The following AP2M1 variants were observed in gnomAD, a reference collection of about 807,000 sequenced individuals.
AP2M1 encodes the protein AP-2 complex subunit mu.
In AP2M1, 5 loss-of-function variants were observed where a neutral mutation model predicts 54.5. The ratio of observed to expected loss-of-function variants is 0.09; its 90% CI spans 0.05 to 0.19. The LOEUF (loss-of-function observed/expected upper bound fraction) is 0.19, where lower values mean the gene tolerates loss of function less well. Among genes scored for constraint, AP2M1 ranks in the 10% least tolerant of loss-of-function variants. AP2M1 has a pLI of 1.00. For synonymous variants in AP2M1, 186 were observed against 208.2 expected (o/e 0.89, Z 0.92); for missense variants, 178 against 580.2 (o/e 0.31, Z 7.12).
At position 184,180,705 on chromosome 3, in the gene AP2M1, C is replaced by T. The variant is rs201451423; in HGVS notation, c.429+55C>T. ...CAGCTTTGCTTTGTTTCTCCAGGCC[C>T]TGCCCTTTGGGGCTTATAGGGGAAA... is the stretch of plus-strand genomic sequence containing the variant. On this transcript the variant is annotated intron_variant, in intron 5 of 11. Coordinates refer to ENST00000292807, the MANE Select transcript of AP2M1 (RefSeq NM_004068.4). The surrounding 1 kb of genome is among the most constrained non-coding windows in gnomAD (Gnocchi z 4.9). 1 of 1,614,240 alleles carries T rather than the reference C, an allele frequency of 6.2e-7. No individual in the cohort carries two copies. The highest frequency in any genetic ancestry group is 8.5e-7 in the Non-Finnish European group (1 of 1,180,048).
rs1715334833 is a variant in AP2M1, at chr3:184,183,323, G to C, written c.1174-159G>C. The stretch of plus-strand genomic sequence containing the variant: ...GTCACAGGTAGGGCTTTCTTCTTTA[G>C]TCACCTCTTAGAAGGTCCCACGCCG... On this transcript the variant is annotated intron_variant, in intron 11 of 11. Transcript: ENST00000292807. This position sits in a 1 kb window ranked among gnomAD's most constrained non-coding sequence, Gnocchi z 5.7. The C allele has an allele frequency of 9.4e-7, 1 of 1,061,102 alleles. No individual in the cohort carries two copies. The highest frequency in any genetic ancestry group is 1.6e-5 in the African/African-American group (1 of 62,908). 65.7% of individuals were successfully genotyped at this position (1,061,102 alleles called of 1,614,324 possible).
At chr3:184,177,888 T>C in intron 2 of AP2M1, 1 of 594,998 alleles carries the variant, frequency 1.7e-6, no homozygotes, top group Non-Finnish European at 3.0e-6. Flanking sequence ...TGCTCTTCAT[T>C]TGGCTCCCTG....
At position 184,181,864 on chromosome 3, in the gene AP2M1, A is replaced by G. The variant is rs769769242; in HGVS notation, c.828-48A>G. 3 of 1,613,960 alleles carry G rather than the reference A, an allele frequency of 1.9e-6. No homozygotes were observed. In the South Asian group the frequency reaches 3.3e-5, roughly 18 times the overall value. ...AGCTAGTGCTGCTGGCAGACTGGGG[A>G]GAGGAAGTGGGTCAGCTCTTTGGTA... On this transcript the variant is annotated intron_variant, in intron 8 of 11. Coordinates refer to ENST00000292807, the MANE Select transcript of AP2M1 (RefSeq NM_004068.4). The surrounding 1 kb of genome is among the most constrained non-coding windows in gnomAD (Gnocchi z 5.7).
chr3:184,177,527 C>T (rs1189393436), intron 2 of AP2M1: 1 of 1,535,456 alleles, frequency 6.5e-7, no homozygotes, highest in Non-Finnish European at 8.7e-7. Flanking sequence ...CAATCCTCTC[C>T]TGCTCCCTTT....
rs1402235527 is a variant in AP2M1, at chr3:184,182,552, C to T, written c.1062-205C>T. 6.6e-6 allele frequency among the ~76,000 whole-genome samples: 1 copy of T among 152,042 alleles called. No individual in the cohort carries two copies. The highest frequency in any genetic ancestry group is 6.5e-5 in the Admixed American group (1 of 15,276). ...CAGACAAAGCAAACGATAGCATGTCCAAGTGTCTAGGCAGAAACTGCATCC... is the reference window on the plus strand; with the variant it reads ...CAGACAAAGCAAACGATAGCATGTCTAAGTGTCTAGGCAGAAACTGCATCC... On this transcript the variant is annotated intron_variant, in intron 10 of 11. Transcript: ENST00000292807. The surrounding 1 kb of genome is among the most constrained non-coding windows in gnomAD (Gnocchi z 5.5).
intron 2 of AP2M1, chr3:184,177,468 C>G (rs1209749121): frequency 7.2e-7 from 1 of 1,383,456 alleles, no homozygotes; most frequent in Non-Finnish European, 9.9e-7. Flanking sequence ...AAGCCCTTCC[C>G]ATATCAAACG....
chr3:184,183,144 TACAG>T lies in AP2M1; in HGVS notation c.1173+281_1173+284del. ...TGCCAGGTAAGACACAAAGTTTACTTACAGACAGGATAATGGGCTGACTTTGCTT... is the reference window on the plus strand; with the variant it reads ...TGCCAGGTAAGACACAAAGTTTACTTACAGGATAATGGGCTGACTTTGCTT... On this transcript the variant is annotated intron_variant, in intron 11 of 11. Transcript: ENST00000292807. The surrounding 1 kb of genome is among the most constrained non-coding windows in gnomAD (Gnocchi z 5.7). 1.8e-6 allele frequency: 1 copy of T among 560,944 alleles called. No individual in the cohort carries two copies. The highest frequency in any genetic ancestry group is 3.2e-6 in the Non-Finnish European group (1 of 313,166). 34.7% of individuals were successfully genotyped at this position (560,944 alleles called of 1,614,324 possible).
In AP2M1 at chr3:184,178,845, CTT is replaced by C; in HGVS notation, c.75-9_75-8del. On this transcript the variant is annotated splice_polypyrimidine_tract_variant and intron_variant, in intron 2 of 11. Transcript: ENST00000292807. The surrounding 1 kb of genome is among the most constrained non-coding windows in gnomAD (Gnocchi z 4.9). ...GGGTGCTGAGCAGGCCCTATGCACTCTTTTCCCTCAGGAGGAACGCAGTGGAT... is the reference window on the plus strand; with the variant it reads ...GGGTGCTGAGCAGGCCCTATGCACTCTTCCCTCAGGAGGAACGCAGTGGAT... 1 of 1,613,000 alleles carries C rather than the reference CTT, an allele frequency of 6.2e-7. No homozygotes were observed. The highest frequency in any genetic ancestry group is 8.5e-7 in the Non-Finnish European group (1 of 1,179,486).
At position 184,181,381 on chromosome 3, in the gene AP2M1, T is replaced by C; in HGVS notation, c.707+155T>C. ...GGCTGTTCGCTCTTGACATTAGTGCTACGAGAGATGAGGGGATCGTCCTCA... is the reference window on the plus strand; with the variant it reads ...GGCTGTTCGCTCTTGACATTAGTGCCACGAGAGATGAGGGGATCGTCCTCA... On this transcript the variant is annotated intron_variant, in intron 7 of 11. Transcript: ENST00000292807. This position sits in a 1 kb window ranked among gnomAD's most constrained non-coding sequence, Gnocchi z 5.7. 1 of 1,178,276 alleles carries C rather than the reference T, an allele frequency of 8.5e-7. No individual in the cohort carries two copies. Among genetic ancestry groups the C allele is most frequent in the South Asian group, 1.5e-5 (1 of 68,030 alleles). The allele number at this position is 1,178,276 out of a possible 1,614,324, so 73.0% of individuals were successfully genotyped here.
At position 184,183,371 on chromosome 3, in the gene AP2M1, A is replaced by G; in HGVS notation, c.1174-111A>G. ...CCGCCCCAGCTTCTTTCAGGACCCC[A>G]GCCATACAAACACCTGTAGTAGCGA... On this transcript the variant is annotated intron_variant, in intron 11 of 11. Transcript: ENST00000292807. This position sits in a 1 kb window ranked among gnomAD's most constrained non-coding sequence, Gnocchi z 5.7. The G allele has an allele frequency of 6.6e-7, 1 of 1,511,838 alleles. No individual in the cohort carries two copies. The allele number at this position is 1,511,838 out of a possible 1,614,324, so 93.7% of individuals were successfully genotyped here. A position where few individuals can be genotyped will look rare whatever the true frequency, so the allele number is the denominator to read the frequency against.
chr3:184,176,387 T>A (rs1413822236), intron 1 of AP2M1, among the ~76,000 whole-genome samples: 1 of 152,232 alleles, frequency 6.6e-6, no homozygotes, highest in Non-Finnish European at 1.5e-5. Flanking sequence ...GCCTAAGGGC[T>A]CCCTTCTCTT....
rs760385184 is a variant in AP2M1, at chr3:184,181,044, G to T, written c.566-41G>T. 9.9e-6 allele frequency: 16 copies of T among 1,613,972 alleles called. No homozygotes were observed. The Admixed American group carries it at 1.3e-4, about 13-fold the overall frequency. ...CCAGGGCAGGATCCTGGGCCTGCCT[G>T]CCTGACTCCGCTGCTCCCCATTTAT... On this transcript the variant is annotated intron_variant, in intron 6 of 11. Coordinates refer to ENST00000292807, the MANE Select transcript of AP2M1 (RefSeq NM_004068.4). This position sits in a 1 kb window ranked among gnomAD's most constrained non-coding sequence, Gnocchi z 5.7.
chr3:184,177,918 C>T (rs981227705), intron 2 of AP2M1: 2 of 597,936 alleles, frequency 3.3e-6, no homozygotes, highest in South Asian at 2.0e-5. Context: ...CTGGCTTGGC[C>T]CTTGCGGGCG....
chr3:184,182,765 G>A lies in AP2M1; in HGVS notation c.1070G>A (p.Arg357His). 1 of 1,613,782 alleles carries A rather than the reference G, an allele frequency of 6.2e-7. No individual in the cohort carries two copies. Among genetic ancestry groups the A allele is most frequent in the Non-Finnish European group, 8.5e-7 (1 of 1,179,788 alleles). The change falls in exon 11 of 12, where the codon CGC becomes CAC. Residue 357 changes from arginine to histidine, a missense_variant. Physicochemically the swap from Arg to His is conservative, Grantham distance 29 (BLOSUM62 0). Transcript: ENST00000292807. The surrounding 1 kb of genome is among the most constrained non-coding windows in gnomAD (Gnocchi z 5.5). ...SENAIVWKIK[R>H]MAGMKESQIS... ...TGTCCCTGTGTTCCCAGGATCAAGC[G>A]CATGGCAGGCATGAAGGAATCGCAG...
Position 184,180,092 on chromosome 3 carries a change from G to A in AP2M1, c.341-77G>A. ...CACATGGGCTTTGGGAGCTGTGCCGGTCAGATGTGTAGGCCCAAGTAGGGG... is the reference window on the plus strand; with the variant it reads ...CACATGGGCTTTGGGAGCTGTGCCGATCAGATGTGTAGGCCCAAGTAGGGG... On this transcript the variant is annotated intron_variant, in intron 3 of 11. Coordinates refer to ENST00000292807, the MANE Select transcript of AP2M1 (RefSeq NM_004068.4). The surrounding 1 kb of genome is among the most constrained non-coding windows in gnomAD (Gnocchi z 4.9). 7.1e-7 allele frequency: 1 copy of A among 1,404,488 alleles called. No individual in the cohort carries two copies. Among genetic ancestry groups the A allele is most frequent in the Non-Finnish European group, 1.0e-6 (1 of 995,202 alleles). 87.0% of individuals were successfully genotyped at this position (1,404,488 alleles called of 1,614,324 possible).
intron 2 of AP2M1, 23 bp downstream of exon 2, chr3:184,177,090 C>A (rs780587205): frequency 1.2e-6 from 2 of 1,607,370 alleles, no homozygotes; most frequent in African/African-American, 2.7e-5. Flanking sequence ...GCGGAGCCAG[C>A]TGTGCCCCAC....
intron 2 of AP2M1, 128 bp downstream of exon 2, chr3:184,177,195 C>T: frequency 2.1e-6 from 2 of 942,402 alleles, no homozygotes; most frequent in South Asian, 3.3e-5. Context: ...ACCCTGGAAG[C>T]TCAGCTAGTG....
At position 184,180,968 on chromosome 3, in the gene AP2M1, G is replaced by A. The variant is rs751790505; in HGVS notation, c.549G>A (p.Leu183=). 3.3e-5 allele frequency: 53 copies of A among 1,614,170 alleles called. 2 individuals are homozygous for A. The South Asian group carries it at 5.7e-4, about 17-fold the overall frequency. ...TGGATGTGCTGGAGAGTGTGAACCTGCTCATGTCCCCACAAGGTGAGGTCC... is the reference window on the plus strand; with the variant it reads ...TGGATGTGCTGGAGAGTGTGAACCTACTCATGTCCCCACAAGGTGAGGTCC... ...LFLDVLESVN[L]LMSPQGQVLS... is the part of the protein sequence containing the mutation. The change falls in exon 6 of 12, where the codon CTG becomes CTA. Residue 183 remains leucine (L), a synonymous_variant. Coordinates refer to ENST00000292807, the MANE Select transcript of AP2M1 (RefSeq NM_004068.4). The surrounding 1 kb of genome is among the most constrained non-coding windows in gnomAD (Gnocchi z 4.9).
intron 3 of AP2M1, 38 bp downstream of exon 3, chr3:184,179,160 T>A (rs780025816): frequency 1.9e-6 from 3 of 1,602,238 alleles, no homozygotes; most frequent in Non-Finnish European, 2.6e-6. Context: ...GGGCGTAGGG[T>A]GGGAAAAAAC....
Sources: gnomAD v4.1 joint callset for allele counts (sites outside exome capture counted in the v4.1 genomes callset) on GRCh38, gnomAD v4.1.1 for gene constraint, Gnocchi (gnomAD v3.1) non-coding constraint, MANE v1.5 for transcripts, NCBI Gene and HGNC (gene_info 2026-07-23, HGNC 2026-07-21) for gene names.